Variants in PDE10A observed in about 807,000 individuals in gnomAD.
The protein encoded by PDE10A is cAMP and cAMP-inhibited cGMP 3',5'-cyclic phosphodiesterase 10A.
A neutral mutation model predicts 97.7 loss-of-function variants in PDE10A; 39 were observed. The observed-to-expected ratio is 0.40, with a 90% confidence interval of 0.31 to 0.52. PDE10A has a LOEUF of 0.52. Ranked by LOEUF, PDE10A falls within the 20% of genes least tolerant of loss-of-function variation. The pLI is 0.56. For synonymous variants in PDE10A, 371 were observed against 376.8 expected (o/e 0.98, Z 0.18); for missense variants, 731 against 1,047.8 (o/e 0.70, Z 4.17).
chr6:165,523,948 CT>C (rs1369557896), intron 2 of PDE10A, among the ~76,000 whole-genome samples: 2 of 152,124 alleles, frequency 1.3e-5, no homozygotes, highest in Non-Finnish European at 2.9e-5. Context: ...CGGGCCCACT[CT>C]TAATAAGGTG....
At chr6:165,719,125 A>C (rs1005217521) in intron 1 of PDE10A, among the ~76,000 whole-genome samples, 2 of 152,172 alleles carry the variant, frequency 1.3e-5, no homozygotes, top group African/African-American at 2.4e-5. Flanking sequence ...AAAGGACAGA[A>C]AAAATAAGAA....
chr6:165,489,102 A>C (rs1780082467), intron 2 of PDE10A, among the ~76,000 whole-genome samples: 1 of 152,036 alleles, frequency 6.6e-6, no homozygotes, highest in Non-Finnish European at 1.5e-5. Context: ...CAGCTGATGC[A>C]CTCTTGACAG....
intron 1 of PDE10A, among the ~76,000 whole-genome samples, chr6:165,698,588 G>T (rs1386421449): frequency 1.3e-5 from 2 of 152,240 alleles, no homozygotes; most frequent in Admixed American, 6.5e-5. Flanking sequence ...GGTAGATCAT[G>T]CCTGTAATCC....
chr6:165,502,500 A>G (rs1780948654), intron 2 of PDE10A, among the ~76,000 whole-genome samples: 1 of 152,258 alleles, frequency 6.6e-6, no homozygotes, highest in South Asian at 2.1e-4. Flanking sequence ...AAAACTCATT[A>G]AAACGTTTAA....
At chr6:165,966,882 A>G (rs1446245463) in intron 1 of PDE10A, among the ~76,000 whole-genome samples, 1 of 151,712 alleles carries the variant, frequency 6.6e-6, no homozygotes, top group Non-Finnish European at 1.5e-5. Flanking sequence ...AGAAAATAAA[A>G]TATAAAATAA....
intron 1 of PDE10A, among the ~76,000 whole-genome samples, chr6:165,756,379 C>T (rs1004814312): frequency 1.1e-4 from 16 of 152,118 alleles, no homozygotes; most frequent in Admixed American, 5.2e-4. Context: ...TCCCCATTTA[C>T]GTTTCCCATT....
intron 3 of PDE10A, among the ~76,000 whole-genome samples, chr6:165,461,208 C>A (rs1048197743): frequency 1.3e-5 from 2 of 152,200 alleles, no homozygotes; most frequent in Non-Finnish European, 2.9e-5. Context: ...GGGAGCATTA[C>A]AGCCAGGACT....
At chr6:165,830,759 A>G (rs936489708) in intron 1 of PDE10A, among the ~76,000 whole-genome samples, 9 of 152,202 alleles carry the variant, frequency 5.9e-5, no homozygotes, top group African/African-American at 1.9e-4. Context: ...ATAAATGCAG[A>G]GGTAATTAAA....
intron 1 of PDE10A, among the ~76,000 whole-genome samples, chr6:165,572,849 C>T (rs924021193): frequency 6.6e-6 from 1 of 152,158 alleles, no homozygotes; most frequent in Admixed American, 6.5e-5. Context: ...ACAAACAAAC[C>T]AAAAAGCAGT....
intron 13 of PDE10A, 91 bp downstream of exon 13, chr6:165,413,410 T>TG (rs201555829): frequency 1.4e-6 from 1 of 718,790 alleles, no homozygotes; most frequent in South Asian, 2.3e-5. Flanking sequence ...GAAATATAAA[T>TG]GAAAAAAAAA....
At chr6:165,601,862 C>A (rs1436778134) in intron 1 of PDE10A, among the ~76,000 whole-genome samples, 3 of 152,134 alleles carry the variant, frequency 2.0e-5, no homozygotes, top group Non-Finnish European at 2.9e-5. Context: ...AACAGAAGAG[C>A]CTCATCTACC....
Position 165,661,647 on chromosome 6 carries a change from G to A in PDE10A, c.865+300C>T, listed in dbSNP as rs1790268969. 1 of 383,980 alleles carries A rather than the reference G, an allele frequency of 2.6e-6. No homozygotes were observed. The highest frequency in any genetic ancestry group is 4.6e-6 in the Non-Finnish European group (1 of 216,948). 23.8% of individuals were successfully genotyped at this position (383,980 alleles called of 1,614,324 possible). On this transcript the variant is annotated intron_variant, in intron 1 of 21. Transcript: ENST00000539869. The surrounding 1 kb of genome is among the most constrained non-coding windows in gnomAD (Gnocchi z 4.8). ...GTGGCCAGAAACGGCACGAGGGGCG[G>A]AGAAGGAGGCGGCAGGTCCCGCTCG...
intron 1 of PDE10A, among the ~76,000 whole-genome samples, chr6:165,909,505 A>G (rs572282273): frequency 6.6e-6 from 1 of 152,360 alleles, no homozygotes; most frequent in South Asian, 2.1e-4. Context: ...CAGGATAATA[A>G]TTGAAGCAAT....
At chr6:165,793,795 A>C (rs1778727370) in intron 1 of PDE10A, among the ~76,000 whole-genome samples, 1 of 152,204 alleles carries the variant, frequency 6.6e-6, no homozygotes, top group African/African-American at 2.4e-5. Context: ...ACCATCTTAC[A>C]AAGATTTCTG....
intron 1 of PDE10A, among the ~76,000 whole-genome samples, chr6:165,837,008 A>G (rs557761521): frequency 7.4e-6 from 1 of 134,576 alleles, no homozygotes; most frequent in Middle Eastern, 4.3e-3. Context: ...ATGAGATCAC[A>G]TGGACACAGG....
At chr6:165,893,282 A>T (rs1017521846) in intron 1 of PDE10A, among the ~76,000 whole-genome samples, 5 of 152,202 alleles carry the variant, frequency 3.3e-5, no homozygotes, top group African/African-American at 1.2e-4. Context: ...TCGCCCTGCG[A>T]ATGCCCTTTT....
At chr6:165,598,221 T>C (rs951792112) in intron 1 of PDE10A, among the ~76,000 whole-genome samples, 2 of 152,222 alleles carry the variant, frequency 1.3e-5, no homozygotes, top group South Asian at 4.1e-4. Context: ...GAAATTATTG[T>C]TACAAAGTTT....
chr6:165,473,421 T>C (rs1583355163), intron 3 of PDE10A, among the ~76,000 whole-genome samples: 1 of 152,128 alleles, frequency 6.6e-6, no homozygotes, highest in East Asian at 1.9e-4. Context: ...CAAGCCCAGG[T>C]GTTGGAAGTC....
intron 1 of PDE10A, among the ~76,000 whole-genome samples, chr6:165,543,973 C>CA (rs989154881): frequency 5.3e-5 from 8 of 152,012 alleles, no homozygotes; most frequent in Non-Finnish European, 8.8e-5. Flanking sequence ...CTGTTTCTAG[C>CA]AATAAATTTC....
Sources: allele counts gnomAD v4.1 joint callset (sites outside exome capture counted in the v4.1 genomes callset), GRCh38; gene constraint gnomAD v4.1.1; non-coding constraint Gnocchi (gnomAD v3.1); transcripts MANE v1.5; gene names NCBI Gene and HGNC (gene_info 2026-07-23, HGNC 2026-07-21).